NEK10: variants seen among roughly 807,000 people sequenced by gnomAD.
NEK10 encodes the protein serine/threonine-protein kinase Nek10.
In NEK10, 122 loss-of-function variants were observed where a neutral mutation model predicts 159.8. The observed-to-expected ratio is 0.76, with a 90% CI of 0.66 to 0.89. The LOEUF (loss-of-function observed/expected upper bound fraction) is 0.89, where lower values mean the gene tolerates loss of function less well. Among genes scored for constraint, NEK10 ranks in the 40% least tolerant of loss-of-function variants. The pLI, the probability that NEK10 is intolerant of heterozygous loss-of-function variation, is 0.00. For synonymous variants in NEK10, 466 were observed against 457.1 expected, an observed-to-expected ratio of 1.02 and a Z score of -0.25; for missense variants, 1,342 against 1,323.1, an observed-to-expected ratio of 1.01 and a Z score of -0.22.
chr3:27,187,427 G>T (rs1948721794), intron 26 of NEK10, among the ~76,000 whole-genome samples: 1 of 152,112 alleles, frequency 6.6e-6, no homozygotes, highest in Non-Finnish European at 1.5e-5. Context: ...TATAATTATA[G>T]AAAATAAAGT....
At chr3:27,191,300 A>G (rs1303444408) in intron 26 of NEK10, among the ~76,000 whole-genome samples, 1 of 151,972 alleles carries the variant, frequency 6.6e-6, no homozygotes, top group Non-Finnish European at 1.5e-5. Context: ...AGAACAGGAA[A>G]AAAAAAAAAA....
chr3:27,297,318 G>T, intron 13 of NEK10, 78 bp from the exon 14 acceptor site: 1 of 938,324 alleles, frequency 1.1e-6, no homozygotes, highest in Non-Finnish European at 1.7e-6. Context: ...TTACTCCACA[G>T]GGTATTTTTA....
rs1035077952 is a variant in NEK10, at chr3:27,256,382, C to G, written c.2015-11G>C. 2 of 1,532,570 alleles carry G rather than the reference C, an allele frequency of 1.3e-6. No individual in the cohort carries two copies. The highest frequency in any genetic ancestry group is 2.8e-5 in the African/African-American group (2 of 70,314). The allele number at this position is 1,532,570 out of a possible 1,614,324, so 94.9% of individuals were successfully genotyped here. On this transcript the variant is annotated splice_polypyrimidine_tract_variant and intron_variant, in intron 22 of 35. Coordinates refer to ENST00000691995, the MANE Select transcript of NEK10 (RefSeq NM_001394966.1). ...CCAGGCCAAAGTCAGCTACAATTCACAAAACAACGCAATATGTTACTATAT... is the reference window on the plus strand; with the variant it reads ...CCAGGCCAAAGTCAGCTACAATTCAGAAAACAACGCAATATGTTACTATAT...
intron 31 of NEK10, among the ~76,000 whole-genome samples, chr3:27,140,432 G>A (rs1943669603): frequency 6.6e-6 from 1 of 152,140 alleles, no homozygotes; most frequent in Non-Finnish European, 1.5e-5. Flanking sequence ...CTGTTTACTG[G>A]GGAAAAGGAA....
chr3:27,324,339 A>G (rs2045866472), intron 5 of NEK10, among the ~76,000 whole-genome samples: 1 of 152,204 alleles, frequency 6.6e-6, no homozygotes, highest in South Asian at 2.1e-4. Context: ...AAAGAGTTGG[A>G]GCAACAGAGC....
At chr3:27,246,339 T>C (rs1242212661) in intron 23 of NEK10, among the ~76,000 whole-genome samples, 3 of 152,206 alleles carry the variant, frequency 2.0e-5, no homozygotes, top group Non-Finnish European at 4.4e-5. Flanking sequence ...TAATACTCAA[T>C]AGGTATTTTT....
chr3:27,353,793 G>C (rs1163827773), intron 1 of NEK10, among the ~76,000 whole-genome samples: 1 of 152,020 alleles, frequency 6.6e-6, no homozygotes, highest in Non-Finnish European at 1.5e-5. Context: ...AGCTATTACA[G>C]GTATGCGTTT....
At chr3:27,328,578 G>T (rs1384718164) in intron 5 of NEK10, among the ~76,000 whole-genome samples, 1 of 152,170 alleles carries the variant, frequency 6.6e-6, no homozygotes. Flanking sequence ...AGAGCAATAG[G>T]GATTGGGGTG....
At chr3:27,260,480 T>C (rs1419944737) in intron 22 of NEK10, among the ~76,000 whole-genome samples, 4 of 152,228 alleles carry the variant, frequency 2.6e-5, no homozygotes, top group Non-Finnish European at 5.9e-5. Context: ...GAGATAATCA[T>C]GTGGTTTTTG....
At chr3:27,125,880 T>C (rs1236793577) in intron 32 of NEK10, among the ~76,000 whole-genome samples, 3 of 152,128 alleles carry the variant, frequency 2.0e-5, no homozygotes, top group Admixed American at 6.6e-5. Flanking sequence ...CTACACTACT[T>C]ACAACCAGGA....
At chr3:27,316,821 G>A (rs1439996802) in intron 6 of NEK10, among the ~76,000 whole-genome samples, 6 of 151,898 alleles carry the variant, frequency 4.0e-5, no homozygotes, top group Admixed American at 3.9e-4. Flanking sequence ...GAGACAGAGA[G>A]AAAGAGAGAG....
At chr3:27,167,205 AAGGCTGTCAGT>A (rs1447529249) in intron 29 of NEK10, among the ~76,000 whole-genome samples, 1 of 152,158 alleles carries the variant, frequency 6.6e-6, no homozygotes, top group Admixed American at 6.5e-5. Flanking sequence ...GGCTATGGCA[AAGGCTGTCAGT>A]AGGCAAGATT....
At chr3:27,356,393 T>G (rs1031844854) in intron 1 of NEK10, among the ~76,000 whole-genome samples, 1 of 152,086 alleles carries the variant, frequency 6.6e-6, no homozygotes, top group Non-Finnish European at 1.5e-5. Flanking sequence ...GTACCTGTAG[T>G]GCAAGCTTCA....
intron 23 of NEK10, among the ~76,000 whole-genome samples, chr3:27,246,441 A>G (rs537617952): frequency 6.6e-6 from 1 of 152,292 alleles, no homozygotes; most frequent in Admixed American, 6.5e-5. Flanking sequence ...AATATATAGT[A>G]GGTGTATATG....
chr3:27,161,729 A>G (rs1046901356), intron 30 of NEK10, among the ~76,000 whole-genome samples: 2 of 152,220 alleles, frequency 1.3e-5, no homozygotes, highest in Non-Finnish European at 2.9e-5. Context: ...AAGGATCTAT[A>G]ATTTTTCAAT....
intron 22 of NEK10, among the ~76,000 whole-genome samples, chr3:27,259,926 G>A (rs1424219902): frequency 6.6e-6 from 1 of 152,158 alleles, no homozygotes; most frequent in East Asian, 1.9e-4. Flanking sequence ...CCTTGAAGAG[G>A]TCCTTCACAT....
intron 30 of NEK10, among the ~76,000 whole-genome samples, 188 bp from the exon 31 acceptor site, chr3:27,141,770 T>C (rs548391033): frequency 2.6e-5 from 4 of 152,292 alleles, no homozygotes; most frequent in African/African-American, 9.6e-5. Context: ...CCTTTACTTC[T>C]CAGACTTCTA....
chr3:27,363,695 T>C (rs1041118849), intron 1 of NEK10: 6 of 152,204 alleles, frequency 3.9e-5, no homozygotes, highest in African/African-American at 1.4e-4. Flanking sequence ...ACCTCAAGTA[T>C]ACATGAACAG....
intron 22 of NEK10, among the ~76,000 whole-genome samples, chr3:27,270,692 C>G (rs2041267651): frequency 6.6e-6 from 1 of 152,000 alleles, no homozygotes; most frequent in African/African-American, 2.4e-5. Flanking sequence ...ACTTCAGGTC[C>G]AAAAGGATCT....
Sources: allele counts gnomAD v4.1 joint callset (sites outside exome capture counted in the v4.1 genomes callset), GRCh38; gene constraint gnomAD v4.1.1; transcripts MANE v1.5; gene names NCBI Gene and HGNC (gene_info 2026-07-23, HGNC 2026-07-21).